The following ABCC1 variants were observed in gnomAD, a reference collection of about 807,000 sequenced individuals.
The protein encoded by ABCC1 is multidrug resistance-associated protein 1.
In ABCC1, 83 loss-of-function variants were observed where a neutral mutation model predicts 172.9. The ratio of observed to expected loss-of-function variants is 0.48; its 90% CI spans 0.40 to 0.58. The LOEUF is 0.58. Among genes scored for constraint, ABCC1 ranks in the 20% least tolerant of loss-of-function variants. The pLI is 0.00. For missense variants in ABCC1, 1,817 were observed against 2,002.7 expected (o/e 0.91, Z 1.77); for synonymous variants, 937 against 825.2 (o/e 1.14, Z -2.32).
In ABCC1 at chr16:16,142,859, C is replaced by G. The variant is rs1170360615; in HGVS notation, c.*1578C>G. The G allele has an allele frequency of 2.6e-5, 4 of 152,586 alleles. No homozygotes were observed. Among genetic ancestry groups the G allele is most frequent in the Non-Finnish European group, 4.4e-5 (3 of 68,038 alleles). The allele number at this position is 152,586 out of a possible 1,614,324, so 9.5% of individuals were successfully genotyped here. On this transcript the variant is annotated 3_prime_UTR_variant, in exon 31 of 31. Transcript: ENST00000399410. ...AGCCAGAGCTGAGGCTGCCCCAAGA[C>G]TCAGACTTGCTAAGAATTACGCCGC...
chr16:15,961,934 A>G (rs1309039279), intron 1 of ABCC1, among the ~76,000 whole-genome samples: 1 of 152,214 alleles, frequency 6.6e-6, no homozygotes, highest in African/African-American at 2.4e-5. Context: ...ATGCAAATAT[A>G]TGTAAATGAT....
At chr16:16,066,021 C>T (rs947926948) in intron 12 of ABCC1, among the ~76,000 whole-genome samples, 7 of 151,986 alleles carry the variant, frequency 4.6e-5, no homozygotes, top group Non-Finnish European at 8.8e-5. Flanking sequence ...AATTCCAGGA[C>T]GTTTTCATTA....
At chr16:16,087,159 G>A (rs529654898) in intron 18 of ABCC1, among the ~76,000 whole-genome samples, 168 bp downstream of exon 18, 7 of 152,122 alleles carry the variant, frequency 4.6e-5, no homozygotes, top group African/African-American at 9.7e-5. Flanking sequence ...TAAGACAGCC[G>A]TCTTGTACTT....
intron 19 of ABCC1, chr16:16,098,927 G>C (rs1261054668): frequency 2.2e-6 from 3 of 1,351,720 alleles, no homozygotes; most frequent in Admixed American, 1.9e-5. Flanking sequence ...GGTTGGAGTT[G>C]GCTTGGCTCA....
At chr16:16,056,470 CA>C in intron 12 of ABCC1, 175 bp downstream of exon 12, 1 of 663,840 alleles carries the variant, frequency 1.5e-6, no homozygotes. Flanking sequence ...AGTTCAAGAC[CA>C]GCCTGGCCAA....
At chr16:15,992,485 T>C (rs1327058857) in intron 1 of ABCC1, among the ~76,000 whole-genome samples, 1 of 149,790 alleles carries the variant, frequency 6.7e-6, no homozygotes, top group Non-Finnish European at 1.5e-5. Context: ...CTGCAGCCTC[T>C]GCCTCCCAGG....
chr16:16,130,513 A>T (rs894997281), intron 26 of ABCC1, among the ~76,000 whole-genome samples: 1 of 151,518 alleles, frequency 6.6e-6, no homozygotes, highest in Non-Finnish European at 1.5e-5. Context: ...GATTTTACAA[A>T]ATCACTTTTT....
Position 16,044,432 on chromosome 16 carries a change from C to T in ABCC1, c.810-18C>T, listed in dbSNP as rs1314632166. 5 of 1,609,766 alleles carry T rather than the reference C, an allele frequency of 3.1e-6. No individual in the cohort carries two copies. The highest frequency in any genetic ancestry group is 4.2e-6 in the Non-Finnish European group (5 of 1,176,718). ...TCTCTGGCAGACCCCACAACGGCTT[C>T]ACCTCCTTGTGTTCCAGGCAGCCGG... On this transcript the variant is annotated intron_variant, in intron 7 of 30. Transcript: ENST00000399410.
At chr16:15,998,517 G>A (rs941722493) in intron 1 of ABCC1, among the ~76,000 whole-genome samples, 2 of 152,164 alleles carry the variant, frequency 1.3e-5, no homozygotes, top group Non-Finnish European at 2.9e-5. Context: ...GGGGTGACCC[G>A]TGTTGGCTGC....
At chr16:16,125,278 G>T (rs2045379460) in intron 25 of ABCC1, among the ~76,000 whole-genome samples, 1 of 152,116 alleles carries the variant, frequency 6.6e-6, no homozygotes. Flanking sequence ...ATATTTTCCA[G>T]TTTCTTATTA....
At chr16:16,138,591 T>C in intron 30 of ABCC1, 33 bp downstream of exon 30, 1 of 1,502,174 alleles carries the variant, frequency 6.7e-7, no homozygotes, top group Non-Finnish European at 9.0e-7. Flanking sequence ...CTCTAGGCTT[T>C]GGGAGTTTGC....
chr16:15,953,944 G>A (rs2045932003), intron 1 of ABCC1, among the ~76,000 whole-genome samples: 1 of 151,476 alleles, frequency 6.6e-6, no homozygotes, highest in African/African-American at 2.4e-5. Context: ...TCCAAGTGTG[G>A]CTTTGGTTTT....
intron 7 of ABCC1, among the ~76,000 whole-genome samples, chr16:16,039,794 T>A (rs1287420713): frequency 6.6e-6 from 1 of 151,976 alleles, no homozygotes; most frequent in Non-Finnish European, 1.5e-5. Context: ...TTGGAGGGAG[T>A]GAGCCTTGTG....
At chr16:16,023,821 A>G (rs2048277550) in intron 5 of ABCC1, among the ~76,000 whole-genome samples, 1 of 152,084 alleles carries the variant, frequency 6.6e-6, no homozygotes, top group East Asian at 1.9e-4. Flanking sequence ...GGCCAGGTGA[A>G]TATGTTTGGA....
chr16:16,076,270 G>C (rs2050562160), intron 14 of ABCC1, 56 bp from the exon 15 acceptor site: 2 of 1,526,734 alleles, frequency 1.3e-6, no homozygotes, highest in African/African-American at 2.7e-5. Flanking sequence ...AGAGTGTTCT[G>C]TGCATGTGGA....
At chr16:16,018,714 T>A (rs954537785) in intron 5 of ABCC1, among the ~76,000 whole-genome samples, 3 of 152,046 alleles carry the variant, frequency 2.0e-5, no homozygotes, top group African/African-American at 4.8e-5. Flanking sequence ...TGCTTGTGTG[T>A]CTCGGTAGTC....
chr16:16,039,239 ATGTG>A (rs71137905), intron 7 of ABCC1, among the ~76,000 whole-genome samples: 12,047 of 119,054 alleles, frequency 0.1, 632 homozygotes, highest in Middle Eastern at 0.16. Flanking sequence ...GTGTGTATGT[ATGTG>A]TGTGTGTGTG....
intron 20 of ABCC1, among the ~76,000 whole-genome samples, chr16:16,103,759 G>T (rs543399279): frequency 1.3e-5 from 2 of 152,268 alleles, no homozygotes; most frequent in Admixed American, 1.3e-4. Flanking sequence ...ACGGTGCCTG[G>T]AACAGACAAA....
rs1260814208 is a variant in ABCC1, at chr16:16,122,164, G to T, written c.3580G>T (p.Val1194Leu). 1 of 1,614,020 alleles carries T rather than the reference G, an allele frequency of 6.2e-7. No homozygotes were observed. Among genetic ancestry groups the T allele is most frequent in the East Asian group, 2.2e-5 (1 of 44,894 alleles). Residue 1194 changes from valine to leucine, a missense_variant, in exon 24 of 31, where the codon GTG becomes TTG. By Grantham distance (32) the Val-to-Leu change is conservative. This residue lies in a region of ABCC1 where 1,412 missense variants were observed against 1,600.3 expected (regional missense o/e 0.88). Transcript: ENST00000399410. ...CCAGAAGGCCTATTACCCCAGCATC[G>T]TGGCCAACAGGTGGGCATGGTGGGC... ...ENQKAYYPSI[V>L]ANRWLAVRLE...
Sources: allele counts gnomAD v4.1 joint callset (sites outside exome capture counted in the v4.1 genomes callset), GRCh38; gene constraint gnomAD v4.1.1; regional missense constraint gnomAD v4.1.1; transcripts MANE v1.5; gene names NCBI Gene and HGNC (gene_info 2026-07-23, HGNC 2026-07-21).